AFG2B: variants seen among roughly 807,000 people sequenced by gnomAD.
AFG2B encodes the protein AAA ATPase AFG2B.
At chr15:45,410,561 G>T in the AFG2B span, 4 of 1,560,776 alleles carry the variant, frequency 2.6e-6, no homozygotes, top group Non-Finnish European at 3.5e-6. Flanking sequence ...AATCCAGTAG[G>T]ATATTACAGA....
chr15:45,409,153 G>A, the AFG2B span, among the ~76,000 whole-genome samples: 1 of 151,552 alleles, frequency 6.6e-6, no homozygotes, highest in Non-Finnish European at 1.5e-5. Flanking sequence ...AGATGGGTGG[G>A]TCAGTTGAGG....
the AFG2B span, among the ~76,000 whole-genome samples, chr15:45,407,890 T>C: frequency 1.3e-5 from 2 of 152,192 alleles, no homozygotes; most frequent in South Asian, 2.1e-4. Flanking sequence ...TCAAGGAGAA[T>C]GTAAAGAGTC....
chr15:45,405,075 A>T, the AFG2B span, among the ~76,000 whole-genome samples: 1 of 152,086 alleles, frequency 6.6e-6, no homozygotes, highest in Non-Finnish European at 1.5e-5. Flanking sequence ...ATTTTGAAAT[A>T]TACGAGAAAT....
At chr15:45,412,169 G>A in the AFG2B span, among the ~76,000 whole-genome samples, 1 of 152,132 alleles carries the variant, frequency 6.6e-6, no homozygotes, top group African/African-American at 2.4e-5. Flanking sequence ...TTGGGAGGCC[G>A]AGGCAGGAGG....
the AFG2B span, chr15:45,415,810 G>A: frequency 1.2e-6 from 2 of 1,602,550 alleles, no homozygotes; most frequent in Non-Finnish European, 1.7e-6. Context: ...AAATGAAGAG[G>A]TATTTATTAG....
chr15:45,407,843 T>C, the AFG2B span, among the ~76,000 whole-genome samples: 1 of 152,210 alleles, frequency 6.6e-6, no homozygotes, highest in Non-Finnish European at 1.5e-5. Flanking sequence ...TTCAGGACTT[T>C]TTAACTAACA....
chr15:45,407,666 CT>C, the AFG2B span, among the ~76,000 whole-genome samples: 1 of 152,140 alleles, frequency 6.6e-6, no homozygotes, highest in Admixed American at 6.5e-5. Context: ...TGGGAGAATA[CT>C]TTACAGAATA....
At chr15:45,421,175 A>T in the AFG2B span, 8 of 1,609,090 alleles carry the variant, frequency 5.0e-6, no homozygotes, top group South Asian at 8.9e-5. Flanking sequence ...AAACTTATTT[A>T]AGAAAGAAGG....
chr15:45,409,524 G>A, the AFG2B span, among the ~76,000 whole-genome samples: 2 of 151,944 alleles, frequency 1.3e-5, no homozygotes, highest in Non-Finnish European at 2.9e-5. Flanking sequence ...GTGTGTACTT[G>A]TAAACCCAGT....
the AFG2B span, chr15:45,402,526 C>T: frequency 1.2e-6 from 2 of 1,601,854 alleles, no homozygotes; most frequent in South Asian, 2.2e-5. Context: ...CCGCCTGGGC[C>T]CGGCCGCCCT....
the AFG2B span, chr15:45,407,095 A>G: frequency 7.8e-7 from 1 of 1,289,090 alleles, no homozygotes. Context: ...CCCAGGGTGG[A>G]GCCCACTGCT....
At chr15:45,409,886 ACATGAG>A in the AFG2B span, among the ~76,000 whole-genome samples, 2 of 152,188 alleles carry the variant, frequency 1.3e-5, no homozygotes, top group Non-Finnish European at 2.9e-5. Flanking sequence ...AAATACTTGA[ACATGAG>A]CACAAAGACT....
chr15:45,403,280 G>A, the AFG2B span: 1 of 1,588,684 alleles, frequency 6.3e-7, no homozygotes. Flanking sequence ...AACGTGCGGC[G>A]GGTCTTCCAG....
At chr15:45,420,992 C>A in the AFG2B span, 1 of 1,573,498 alleles carries the variant, frequency 6.4e-7, no homozygotes. Context: ...AACTCCATCT[C>A]AAAGAAAAAA....
At chr15:45,408,440 A>T in the AFG2B span, among the ~76,000 whole-genome samples, 1 of 152,134 alleles carries the variant, frequency 6.6e-6, no homozygotes, top group Admixed American at 6.5e-5. Flanking sequence ...ACTATTTGAG[A>T]GAATGGGTTG....
the AFG2B span, among the ~76,000 whole-genome samples, chr15:45,412,807 C>T: frequency 6.6e-6 from 1 of 152,256 alleles, no homozygotes; most frequent in East Asian, 1.9e-4. Flanking sequence ...TAGTGGATTT[C>T]ACAGTGGAAG....
At chr15:45,406,276 A>G in the AFG2B span, among the ~76,000 whole-genome samples, 2 of 152,238 alleles carry the variant, frequency 1.3e-5, no homozygotes, top group South Asian at 4.1e-4. Flanking sequence ...GGAATATAAT[A>G]GAAATGATCC....
chr15:45,410,535 G>A, the AFG2B span: 6 of 1,598,094 alleles, frequency 3.8e-6, no homozygotes, highest in South Asian at 3.4e-5. Context: ...AAACAGGTAA[G>A]ACAGATAATC....
chr15:45,405,566 G>A, the AFG2B span: 2 of 1,528,556 alleles, frequency 1.3e-6, no homozygotes, highest in Admixed American at 1.9e-5. Context: ...ATTAATTTGG[G>A]GGTTAAAAAA....
Sources: gnomAD v4.1 joint callset for allele counts (sites outside exome capture counted in the v4.1 genomes callset) on GRCh38, gnomAD v4.1.1 for gene constraint, MANE v1.5 for transcripts, NCBI Gene and HGNC (gene_info 2026-07-23, HGNC 2026-07-21) for gene names.